Variants in ZNF280D observed in about 807,000 individuals in gnomAD.
The protein encoded by ZNF280D is zinc finger protein 280D.
In ZNF280D, 39 loss-of-function variants were observed where a neutral mutation model predicts 94.7. The ratio of observed to expected loss-of-function variants is 0.41; its 90% confidence interval spans 0.32 to 0.54. The LOEUF (loss-of-function observed/expected upper bound fraction) is 0.54, where lower values mean the gene tolerates loss of function less well. Ranked by LOEUF, ZNF280D falls within the 20% of genes least tolerant of loss-of-function variation. ZNF280D has a pLI of 0.22. For synonymous variants in ZNF280D, 398 were observed against 377.6 expected, an observed-to-expected ratio of 1.05 and a Z score of -0.63; for missense variants, 1,090 against 1,149.3, an observed-to-expected ratio of 0.95 and a Z score of 0.75.
chr15:56,717,678 T>C (rs2058117813), intron 1 of ZNF280D, among the ~76,000 whole-genome samples: 1 of 152,146 alleles, frequency 6.6e-6, no homozygotes, highest in Non-Finnish European at 1.5e-5. Flanking sequence ...TCCTATGAGG[T>C]AGACACTATC....
intron 16 of ZNF280D, among the ~76,000 whole-genome samples, chr15:56,663,896 T>C (rs1190658748): frequency 6.6e-6 from 1 of 151,576 alleles, no homozygotes; most frequent in Non-Finnish European, 1.5e-5. Flanking sequence ...AGACCCCATC[T>C]CACAAAAAAA....
rs551817566 is a variant in ZNF280D, at chr15:56,710,913, TA to T, written c.-85-3608del. On this transcript the variant is annotated intron_variant, in intron 1 of 21. Coordinates refer to ENST00000267807, the MANE Select transcript of ZNF280D (RefSeq NM_017661.4). ...ACTACAACTGTAGTATCTGCACATT[TA>T]AAAAAAGAATATCGCACTAGAAACC... is the stretch of plus-strand genomic sequence containing the variant. Among the ~76,000 whole-genome samples the T allele has an allele frequency of 1.3e-3, 203 of 152,140 alleles. 1 individual carries two copies. The highest frequency in any genetic ancestry group is 4.4e-3 in the African/African-American group (184 of 41,496).
chr15:56,693,892 C>G (rs1344483848), intron 6 of ZNF280D, among the ~76,000 whole-genome samples: 2 of 152,124 alleles, frequency 1.3e-5, no homozygotes, highest in Non-Finnish European at 2.9e-5. Context: ...TTTCCATCAT[C>G]CCATAGAAAG....
chr15:56,712,617 G>GAAAAAAAAA (rs1596624604), intron 1 of ZNF280D, among the ~76,000 whole-genome samples: 1 of 135,012 alleles, frequency 7.4e-6, no homozygotes, highest in Non-Finnish European at 1.6e-5. Flanking sequence ...AAAAAAAAAG[G>GAAAAAAAAA]AAAGAAAGAA....
chr15:56,730,307 G>A (rs953048239), intron 1 of ZNF280D: 2 of 152,050 alleles, frequency 1.3e-5, no homozygotes, highest in Non-Finnish European at 2.9e-5. Flanking sequence ...AACTATTCAG[G>A]ATTTATATAT....
intron 19 of ZNF280D, among the ~76,000 whole-genome samples, chr15:56,651,470 C>T (rs1251582826): frequency 1.3e-5 from 2 of 151,938 alleles, no homozygotes; most frequent in Non-Finnish European, 2.9e-5. Context: ...TTATTTGAAC[C>T]TTTTTTTAAA....
At chr15:56,663,033 T>C (rs547526981) in intron 16 of ZNF280D, among the ~76,000 whole-genome samples, 29 of 151,464 alleles carry the variant, frequency 1.9e-4, no homozygotes, top group Non-Finnish European at 3.1e-4. Flanking sequence ...GCTATAATCA[T>C]TGCACTTTAA....
chr15:56,662,929 A>T (rs1312849853), intron 16 of ZNF280D, among the ~76,000 whole-genome samples: 1 of 151,846 alleles, frequency 6.6e-6, no homozygotes, highest in East Asian at 1.9e-4. Context: ...AGGTAAACTG[A>T]GAGGAAGGAA....
intron 9 of ZNF280D, among the ~76,000 whole-genome samples, chr15:56,684,532 T>C (rs140215150): frequency 0.012 from 1,815 of 150,624 alleles, 36 homozygotes; most frequent in African/African-American, 0.041. Context: ...GGTGAAAGTA[T>C]AGGAAAAAAA....
intron 9 of ZNF280D, among the ~76,000 whole-genome samples, chr15:56,688,056 T>C (rs1387960348): frequency 2.6e-5 from 4 of 152,122 alleles, no homozygotes. Flanking sequence ...TCCCTTCCTG[T>C]CATTTATACT....
At chr15:56,653,670 T>G (rs2140676267) in intron 19 of ZNF280D, 1 of 1,349,708 alleles carries the variant, frequency 7.4e-7, no homozygotes, top group Non-Finnish European at 9.5e-7. Flanking sequence ...GCCTAAAACT[T>G]AAGACGTATA....
chr15:56,732,482 C>G (rs2058939895), intron 1 of ZNF280D: 4 of 152,294 alleles, frequency 2.6e-5, no homozygotes, highest in African/African-American at 9.6e-5. Context: ...CTTACAGATG[C>G]TAAGAGGCAG....
intron 14 of ZNF280D, 122 bp downstream of exon 14, chr15:56,668,701 C>G (rs528899375): frequency 4.3e-6 from 4 of 935,580 alleles, no homozygotes; most frequent in Non-Finnish European, 6.0e-6. Context: ...AAATTAAAAC[C>G]TAAAATTAGA....
intron 6 of ZNF280D, 49 bp from the exon 7 acceptor site, chr15:56,693,264 AT>A: frequency 1.7e-6 from 1 of 586,622 alleles, no homozygotes; most frequent in Non-Finnish European, 2.6e-6. Flanking sequence ...AACAGTTATA[AT>A]TATTTCAATA....
At chr15:56,644,882 G>A (rs559516511) in intron 19 of ZNF280D, among the ~76,000 whole-genome samples, 2 of 152,246 alleles carry the variant, frequency 1.3e-5, no homozygotes, top group South Asian at 4.1e-4. Context: ...CTTGCATTAA[G>A]AGGCCTATGA....
At chr15:56,639,698 G>A (rs575270377) in intron 20 of ZNF280D, among the ~76,000 whole-genome samples, 10 of 152,172 alleles carry the variant, frequency 6.6e-5, no homozygotes, top group African/African-American at 1.2e-4. Context: ...ACTATCATTC[G>A]CATAAATATA....
intron 14 of ZNF280D, chr15:56,668,315 T>C (rs2054434540): frequency 2.7e-6 from 1 of 366,508 alleles, no homozygotes; most frequent in African/African-American, 2.2e-5. Flanking sequence ...ATCATCAGTA[T>C]GCAGTCAGAC....
intron 1 of ZNF280D, 154 bp from the exon 2 acceptor site, chr15:56,707,460 C>A (rs373436090): frequency 5.1e-6 from 2 of 391,140 alleles, no homozygotes; most frequent in South Asian, 3.4e-5. Flanking sequence ...CCTGAATAAA[C>A]CCAAATTTAA....
At chr15:56,664,474 T>TG (rs1393799107) in intron 16 of ZNF280D, among the ~76,000 whole-genome samples, 1 of 152,108 alleles carries the variant, frequency 6.6e-6, no homozygotes, top group Non-Finnish European at 1.5e-5. Flanking sequence ...GGACAGTTAA[T>TG]GGGGAAGTGA....
Sources: allele counts gnomAD v4.1 joint callset (sites outside exome capture counted in the v4.1 genomes callset), GRCh38; gene constraint gnomAD v4.1.1; transcripts MANE v1.5; gene names NCBI Gene and HGNC (gene_info 2026-07-23, HGNC 2026-07-21).